Variants in LAMB3 observed in about 807,000 individuals in gnomAD.
LAMB3 encodes the protein laminin subunit beta-3.
A neutral mutation model predicts 140.3 loss-of-function variants in LAMB3; 104 were observed. The ratio of observed to expected loss-of-function variants is 0.74; its 90% CI spans 0.63 to 0.87. The LOEUF is 0.87. LAMB3 is among the 40% of genes least tolerant of loss of function. LAMB3 has a pLI of 0.00. For synonymous variants in LAMB3, 592 were observed against 602.9 expected, an observed-to-expected ratio of 0.98 and a Z score of 0.26; for missense variants, 1,531 against 1,575.2, an observed-to-expected ratio of 0.97 and a Z score of 0.47.
chr1:209,650,688 G>A (rs1477922942), intron 2 of LAMB3, among the ~76,000 whole-genome samples: 1 of 152,230 alleles, frequency 6.6e-6, no homozygotes, highest in Non-Finnish European at 1.5e-5. Context: ...ACCCTCGGCT[G>A]AGAATAAGAA....
intron 22 of LAMB3, 106 bp downstream of exon 22, chr1:209,616,365 C>T: frequency 7.7e-7 from 1 of 1,295,508 alleles, no homozygotes; most frequent in Non-Finnish European, 1.1e-6. Context: ...ATCTCACTCC[C>T]ATAGCACGGC....
chr1:209,616,423 A>C, intron 22 of LAMB3, 48 bp downstream of exon 22: 1 of 1,609,144 alleles, frequency 6.2e-7, no homozygotes, highest in South Asian at 1.1e-5. Flanking sequence ...GGGTGGGACC[A>C]GCCTTCATGA....
At chr1:209,626,651 C>A in intron 13 of LAMB3, among the ~76,000 whole-genome samples, 1 of 152,360 alleles carries the variant, frequency 6.6e-6, no homozygotes, top group African/African-American at 2.4e-5. Flanking sequence ...CAGCATGTCA[C>A]GGGGACGCAG....
chr1:209,648,407 G>C (rs921690650), intron 3 of LAMB3, among the ~76,000 whole-genome samples: 3 of 152,100 alleles, frequency 2.0e-5, no homozygotes, highest in Admixed American at 1.3e-4. Context: ...TTTCCAAAAG[G>C]CTAGATAAAT....
intron 3 of LAMB3, among the ~76,000 whole-genome samples, chr1:209,641,101 T>TAAAAAAAAAAAAAAAAAAAAA (rs57763866): frequency 7.6e-6 from 1 of 130,892 alleles, no homozygotes; most frequent in Non-Finnish European, 1.6e-5. Context: ...AAAAAAAATT[T>TAAAAAAAAAAAAAAAAAAAAA]AAAAAAAAAA....
chr1:209,643,331 C>T (rs1490859403), intron 3 of LAMB3, among the ~76,000 whole-genome samples: 2 of 152,238 alleles, frequency 1.3e-5, no homozygotes, highest in African/African-American at 2.4e-5. Flanking sequence ...CCAGTGATGG[C>T]AGCTCTCTGC....
At chr1:209,641,038 G>A (rs983552495) in intron 3 of LAMB3, among the ~76,000 whole-genome samples, 4 of 146,996 alleles carry the variant, frequency 2.7e-5, no homozygotes, top group Non-Finnish European at 4.5e-5. Context: ...AGCTGAGACC[G>A]TGCCACTGCA....
Position 209,625,915 on chromosome 1 carries a change from C to A in LAMB3, c.1709G>T (p.Gly570Val), listed in dbSNP as rs200027100. Reference sequence around the variant, plus strand: ...GCACACCGGGTAGCGATTACAGTAGCCTCGCTGGCACTGGTCACAGCGGGG... The same window carrying A: ...GCACACCGGGTAGCGATTACAGTAGACTCGCTGGCACTGGTCACAGCGGGG... ...TGPRCDQCQR[G>V]YCNRYPVCVA... is the part of the protein sequence containing the mutation. Residue 570 changes from glycine (G) to valine (V), a missense_variant, in exon 14 of 23, where the codon GGC (glycine) becomes GTC (valine). Transcript: ENST00000356082. 28 of 1,613,832 alleles carry A rather than the reference C, an allele frequency of 1.7e-5. No homozygotes were observed. In the Admixed American group the frequency reaches 2.5e-4, roughly 14 times the overall value.
At chr1:209,635,418 T>TTGTG (rs1052721224) in intron 5 of LAMB3, among the ~76,000 whole-genome samples, 4 of 151,154 alleles carry the variant, frequency 2.6e-5, no homozygotes, top group African/African-American at 9.8e-5. Context: ...GTTTGTTTGT[T>TTGTG]TTGAAACAGA....
At chr1:209,627,007 C>G in intron 12 of LAMB3, 29 bp from the exon 13 acceptor site, 1 of 1,485,676 alleles carries the variant, frequency 6.7e-7, no homozygotes, top group Non-Finnish European at 9.4e-7. Context: ...GTCAGTGGAC[C>G]CTGCCTCACA....
In LAMB3 at chr1:209,622,542, G is replaced by A. The variant is rs1288363950; in HGVS notation, c.2695C>T (p.Leu899=). 4 of 1,613,732 alleles carry A rather than the reference G, an allele frequency of 2.5e-6. No individual in the cohort carries two copies. Among genetic ancestry groups the A allele is most frequent in the East Asian group, 2.2e-5 (1 of 44,874 alleles). ...GGGTGGAGACTGGGCTCACCTGTTA[G>A]GAAGTCCCGGACCTGCTGGATTAGG... ...RLLIQQVRDF[L]TDPDTDAATI... Residue 899 remains leucine (L), a synonymous_variant, in exon 18 of 23, where the codon CTA becomes TTA. Coordinates refer to ENST00000356082, the MANE Select transcript of LAMB3 (RefSeq NM_000228.3).
At chr1:209,624,992 GGT>G (rs1666375947) in intron 14 of LAMB3, among the ~76,000 whole-genome samples, 1 of 151,894 alleles carries the variant, frequency 6.6e-6, no homozygotes, top group Non-Finnish European at 1.5e-5. Flanking sequence ...AAGGAAGGAA[GGT>G]AGGTTGGTTT....
In LAMB3 at chr1:209,627,421, A is replaced by T; in HGVS notation, c.1447T>A (p.Cys483Ser). The change falls in exon 12 of 23, where the codon TGC (cysteine) becomes AGC (serine). Residue 483 changes from cysteine (C) to serine (S), a missense_variant. Cys to Ser is a moderately radical substitution (Grantham distance 112). Coordinates refer to ENST00000356082, the MANE Select transcript of LAMB3 (RefSeq NM_000228.3). ...GGGCTGAGGGAGTTGTGCGGGTCGCAGGCACACGGTTCACAGCCCTGGCCA... is the reference window on the plus strand; with the variant it reads ...GGGCTGAGGGAGTTGTGCGGGTCGCTGGCACACGGTTCACAGCCCTGGCCA... ...ASGQGCEPCA[C>S]DPHNSLSPQC... 1 of 1,613,802 alleles carries T rather than the reference A, an allele frequency of 6.2e-7. No individual in the cohort carries two copies. The highest frequency in any genetic ancestry group is 2.2e-5 in the East Asian group (1 of 44,842).
At chr1:209,620,341 C>A (rs1666141969) in intron 18 of LAMB3, among the ~76,000 whole-genome samples, 2 of 152,230 alleles carry the variant, frequency 1.3e-5, no homozygotes. Context: ...CTATGATGGC[C>A]ATGGAAGGGG....
In LAMB3 at chr1:209,624,007, A is replaced by G; in HGVS notation, c.1977-7T>C. 1 of 1,611,462 alleles carries G rather than the reference A, an allele frequency of 6.2e-7. No homozygotes were observed. Among genetic ancestry groups the G allele is most frequent in the Non-Finnish European group, 8.5e-7 (1 of 1,179,746 alleles). ...CAGGCCCTGGAGAGTTCGCCTGAGA[A>G]GGGAGAGGAGCTTACACTAAAATAT... On this transcript the variant is annotated splice_polypyrimidine_tract_variant and splice_region_variant and intron_variant, in intron 14 of 22. Coordinates refer to ENST00000356082, the MANE Select transcript of LAMB3 (RefSeq NM_000228.3).
chr1:209,631,049 G>A (rs1666671180), intron 8 of LAMB3, among the ~76,000 whole-genome samples: 1 of 152,220 alleles, frequency 6.6e-6, no homozygotes, highest in Non-Finnish European at 1.5e-5. Context: ...GCGCTTGGCA[G>A]GTGCTCAGAC....
In LAMB3 at chr1:209,629,862, T is replaced by C. The variant is rs759558086; in HGVS notation, c.1007A>G (p.Gln336Arg). 1.9e-6 allele frequency: 3 copies of C among 1,614,064 alleles called. No individual in the cohort carries two copies. Among genetic ancestry groups the C allele is most frequent in the Non-Finnish European group, 2.5e-6 (3 of 1,180,038 alleles). ...GTCACACACACCTCCATATGCCCCCTGGCTGGCGGCAAACACAGCGGGGTC... is the reference window on the plus strand; with the variant it reads ...GTCACACACACCTCCATATGCCCCCCGGCTGGCGGCAAACACAGCGGGGTC... ...HFDPAVFAAS[Q>R]GAYGGVCDNC... The change falls in exon 10 of 23, where the codon CAG becomes CGG. Residue 336 changes from glutamine (Q) to arginine (R), a missense_variant. Coordinates refer to ENST00000356082, the MANE Select transcript of LAMB3 (RefSeq NM_000228.3).
intron 20 of LAMB3, 71 bp from the exon 21 acceptor site, chr1:209,617,657 C>G (rs1489001300): frequency 6.4e-7 from 1 of 1,567,730 alleles, no homozygotes; most frequent in Non-Finnish European, 8.7e-7. Context: ...CCCATTTTTT[C>G]TCCAACTCAT....
intron 3 of LAMB3, 112 bp downstream of exon 3, chr1:209,649,852 A>G: frequency 8.3e-7 from 1 of 1,198,092 alleles, no homozygotes; most frequent in Non-Finnish European, 1.2e-6. Context: ...CAGTCCGTGT[A>G]GTACACAGGG....
Sources: allele counts gnomAD v4.1 joint callset (sites outside exome capture counted in the v4.1 genomes callset), GRCh38; gene constraint gnomAD v4.1.1; transcripts MANE v1.5; gene names NCBI Gene and HGNC (gene_info 2026-07-23, HGNC 2026-07-21).